The following SUCLG2 variants were observed in gnomAD, a reference collection of about 807,000 sequenced individuals.
SUCLG2 encodes succinate--CoA ligase [GDP-forming] subunit beta, mitochondrial.
In SUCLG2, 42 loss-of-function variants were observed where a neutral mutation model predicts 47.9. The observed-to-expected ratio is 0.88, with a 90% CI of 0.69 to 1.14. The LOEUF (loss-of-function observed/expected upper bound fraction) is 1.14, where lower values mean the gene tolerates loss of function less well. Among genes scored for constraint, SUCLG2 ranks in the 50% most tolerant of loss-of-function variants. The pLI is 0.00. For synonymous variants in SUCLG2, 195 were observed against 197.3 expected (o/e 0.99, Z 0.10); for missense variants, 571 against 525.9 (o/e 1.09, Z -0.84).
chr3:67,361,018 A>C (rs1269010055), intron 10 of SUCLG2, among the ~76,000 whole-genome samples: 1 of 152,202 alleles, frequency 6.6e-6, no homozygotes, highest in Non-Finnish European at 1.5e-5. Flanking sequence ...CAGATGAAAC[A>C]AGTAAGTGTC....
chr3:67,558,013 G>A (rs1475060706), intron 2 of SUCLG2, among the ~76,000 whole-genome samples: 2 of 152,150 alleles, frequency 1.3e-5, no homozygotes, highest in Non-Finnish European at 2.9e-5. Context: ...GAATGGTGAG[G>A]AACTGAAACG....
intron 10 of SUCLG2, among the ~76,000 whole-genome samples, chr3:67,397,262 A>G (rs1019286469): frequency 1.1e-4 from 16 of 152,362 alleles, no homozygotes; most frequent in African/African-American, 3.8e-4. Flanking sequence ...ATGACTGTAT[A>G]TCTAGAAAAC....
At chr3:67,615,226 C>T (rs921195536) in intron 1 of SUCLG2, among the ~76,000 whole-genome samples, 2 of 150,354 alleles carry the variant, frequency 1.3e-5, no homozygotes, top group Non-Finnish European at 3.0e-5. Flanking sequence ...ATAAAAACTC[C>T]AAGCACAAAA....
chr3:67,486,202 C>T lies in SUCLG2; in HGVS notation c.1062+9596G>A, dbSNP rs537701454. 5.3e-5 allele frequency among the ~76,000 whole-genome samples: 8 copies of T among 152,128 alleles called. No individual in the cohort carries two copies. The South Asian group carries it at 8.3e-4, about 16-fold the overall frequency. ...ATCTCTTGAGCCCAGGAGGCCGAGG[C>T]TGCAGTGAGCTGTGATCACACCACT... On this transcript the variant is annotated intron_variant, in intron 9 of 10. Transcript: ENST00000307227.
intron 2 of SUCLG2, among the ~76,000 whole-genome samples, chr3:67,607,997 C>T (rs1253354848): frequency 6.6e-6 from 1 of 152,072 alleles, no homozygotes; most frequent in Non-Finnish European, 1.5e-5. Context: ...TGAGAATAGA[C>T]TAATACACTC....
intron 9 of SUCLG2, among the ~76,000 whole-genome samples, chr3:67,450,017 T>C (rs934709466): frequency 7.9e-6 from 1 of 126,062 alleles, no homozygotes; most frequent in African/African-American, 3.0e-5. Flanking sequence ...GATAATAAAA[T>C]ACAAAAAAAC....
chr3:67,382,357 A>G lies in SUCLG2; in HGVS notation c.1184-6498T>C, dbSNP rs535367460. ...TGAACCCAGGTTCACCTGAGGGTAAAGCCACATAACCACGCAGCTGGCCTT... is the reference window on the plus strand; with the variant it reads ...TGAACCCAGGTTCACCTGAGGGTAAGGCCACATAACCACGCAGCTGGCCTT... On this transcript the variant is annotated intron_variant, in intron 10 of 10. Transcript: ENST00000307227. 2.4e-3 allele frequency among the ~76,000 whole-genome samples: 370 copies of G among 152,328 alleles called. 1 individual carries two copies. The highest frequency in any genetic ancestry group is 8.3e-3 in the African/African-American group (345 of 41,584).
Position 67,602,142 on chromosome 3 carries a change from A to G in SUCLG2, c.226+7313T>C, listed in dbSNP as rs542862565. Among the ~76,000 whole-genome samples, 113 of 152,308 alleles carry G rather than the reference A, an allele frequency of 7.4e-4. No individual in the cohort carries two copies. The South Asian group carries it at 0.015, about 20-fold the overall frequency. On this transcript the variant is annotated intron_variant, in intron 2 of 10. Coordinates refer to ENST00000307227, the MANE Select transcript of SUCLG2 (RefSeq NM_003848.4). ...GACACTCAGTACCAGTCCTTAAAGG[A>G]AAGTCTTTCCCTTTGGTTTAGATGA... is the stretch of plus-strand genomic sequence containing the variant.
intron 9 of SUCLG2, among the ~76,000 whole-genome samples, chr3:67,463,994 T>G (rs1239082196): frequency 6.6e-6 from 1 of 152,216 alleles, no homozygotes; most frequent in East Asian, 1.9e-4. Flanking sequence ...GTTTAGGAGT[T>G]GGAGGGCCAT....
At chr3:67,521,738 G>T (rs1342454860) in intron 4 of SUCLG2, among the ~76,000 whole-genome samples, 1 of 151,716 alleles carries the variant, frequency 6.6e-6, no homozygotes, top group African/African-American at 2.4e-5. Flanking sequence ...TCATGCTTCA[G>T]CCTCCCGAGT....
chr3:67,601,608 C>T (rs771756057), intron 2 of SUCLG2, among the ~76,000 whole-genome samples: 19 of 152,102 alleles, frequency 1.2e-4, no homozygotes, highest in African/African-American at 2.9e-4. Context: ...AAATATTTCA[C>T]GGGAAAGTCC....
intron 7 of SUCLG2, 29 bp from the exon 8 acceptor site, chr3:67,498,324 G>A (rs1483608032): frequency 6.2e-7 from 1 of 1,608,292 alleles, no homozygotes; most frequent in Non-Finnish European, 8.5e-7. Context: ...AATCATACTT[G>A]AATATCTCTT....
chr3:67,430,876 C>T (rs1159636738), intron 9 of SUCLG2, among the ~76,000 whole-genome samples: 1 of 152,142 alleles, frequency 6.6e-6, no homozygotes, highest in Non-Finnish European at 1.5e-5. Flanking sequence ...TTCCTGGACA[C>T]ATACACCCTC....
At chr3:67,504,737 A>G (rs1705592191) in intron 7 of SUCLG2, among the ~76,000 whole-genome samples, 1 of 152,168 alleles carries the variant, frequency 6.6e-6, no homozygotes, top group African/African-American at 2.4e-5. Context: ...AACTTGCTTT[A>G]AAGACATCAG....
rs138705632 is a variant in SUCLG2, at chr3:67,548,235, T to A, written c.227-19049A>T. On this transcript the variant is annotated intron_variant, in intron 2 of 10. Transcript: ENST00000307227. ...GCCAGAAAGATTATTTGAGAGACTGTGCTTTAACTTCCTCACATAGAGCCT... is the reference window on the plus strand; with the variant it reads ...GCCAGAAAGATTATTTGAGAGACTGAGCTTTAACTTCCTCACATAGAGCCT... Among the ~76,000 whole-genome samples, 48 of 152,342 alleles carry A rather than the reference T, an allele frequency of 3.2e-4. No individual in the cohort carries two copies. The South Asian group carries it at 4.2e-3, about 13-fold the overall frequency.
intron 2 of SUCLG2, among the ~76,000 whole-genome samples, chr3:67,545,201 T>A (rs1442902893): frequency 6.6e-6 from 1 of 152,154 alleles, no homozygotes; most frequent in Non-Finnish European, 1.5e-5. Flanking sequence ...ATACTTTAAA[T>A]CTGCTATAAT....
chr3:67,501,818 G>T (rs1286821675), intron 7 of SUCLG2, among the ~76,000 whole-genome samples: 2 of 152,098 alleles, frequency 1.3e-5, no homozygotes, highest in Non-Finnish European at 2.9e-5. Flanking sequence ...GTACAGGGAA[G>T]CTTGTCACCC....
At chr3:67,604,282 T>C (rs375228168) in intron 2 of SUCLG2, among the ~76,000 whole-genome samples, 2 of 152,192 alleles carry the variant, frequency 1.3e-5, no homozygotes, top group Non-Finnish European at 2.9e-5. Context: ...TATCTGCAGA[T>C]TGCAGTTTCT....
intron 1 of SUCLG2, among the ~76,000 whole-genome samples, chr3:67,623,425 C>T (rs541067754): frequency 5.3e-5 from 8 of 152,206 alleles, no homozygotes; most frequent in Middle Eastern, 3.4e-3. Flanking sequence ...GGCGCGAACC[C>T]GAGAGGCGGT....
Sources: allele counts gnomAD v4.1 joint callset (sites outside exome capture counted in the v4.1 genomes callset), GRCh38; gene constraint gnomAD v4.1.1; transcripts MANE v1.5; gene names NCBI Gene and HGNC (gene_info 2026-07-23, HGNC 2026-07-21).